The following FHL1 variants were observed in gnomAD, a reference collection of about 807,000 sequenced individuals.
FHL1 encodes the protein four and a half LIM domains protein 1.
FHL1 carries 1 observed loss-of-function variant against 20.3 expected under a neutral mutation model. The ratio of observed to expected loss-of-function variants is 0.05; its 90% CI spans 0.02 to 0.23. The LOEUF (loss-of-function observed/expected upper bound fraction) is 0.23, where lower values mean the gene tolerates loss of function less well. FHL1 is among the 10% of genes least tolerant of loss of function. The pLI is 1.00. For missense variants in FHL1, 177 were observed against 234.0 expected (o/e 0.76, Z 1.59); for synonymous variants, 82 against 88.9 (o/e 0.92, Z 0.44).
chrX:136,186,042 T>C (rs2073278878), intron 2 of FHL1, among the ~76,000 whole-genome samples: 1 of 111,972 alleles, frequency 8.9e-6, no homozygotes, highest in Non-Finnish European at 1.9e-5. Flanking sequence ...AAATACTATA[T>C]GTAGTTTATA....
chrX:136,186,862 A>T (rs2073303693), intron 2 of FHL1, among the ~76,000 whole-genome samples: 1 of 8,895 alleles, frequency 1.1e-4, no homozygotes, highest in African/African-American at 1.5e-4. Flanking sequence ...TCAAAAAAAA[A>T]AAAATATATA....
At chrX:136,196,902 A>G (rs771731515), upstream of FHL1, 11 of 1,126,729 alleles carry the variant, frequency 9.8e-6, no homozygotes, top group East Asian at 3.3e-5. Flanking sequence ...ACTGGGTCCT[A>G]TTCTTCTCCC....
upstream of FHL1, among the ~76,000 whole-genome samples, chrX:136,195,093 C>T (rs1377069013): frequency 8.9e-6 from 1 of 112,222 alleles, no homozygotes; most frequent in Admixed American, 9.4e-5. Flanking sequence ...GTATTTTAGG[C>T]AAAACAGATT....
intron 1 of FHL1, among the ~76,000 whole-genome samples, chrX:136,155,077 C>T (rs1201718621): frequency 8.9e-6 from 1 of 112,283 alleles, no homozygotes; most frequent in East Asian, 2.8e-4. Flanking sequence ...CATTTCATTT[C>T]TTTCTGTAGC....
At chrX:136,207,222 G>A in intron 3 of FHL1, 32 bp downstream of exon 3, 1 of 1,182,255 alleles carries the variant, frequency 8.5e-7, no homozygotes, top group Non-Finnish European at 1.1e-6. Flanking sequence ...GGGTTCCCAG[G>A]GAGGAGGCCC....
chrX:136,207,843 C>T lies in FHL1; in HGVS notation c.431C>T (p.Thr144Ile). The change falls in exon 4 of 6, where the codon ACC (threonine) becomes ATC (isoleucine). Residue 144 changes from threonine to isoleucine, a missense_variant. Physicochemically the swap from Thr to Ile is moderately conservative, Grantham distance 89 (BLOSUM62 -1). Coordinates refer to ENST00000370683, the MANE Select transcript of FHL1 (RefSeq NM_001159699.2). ...KGTVWHKDCFTCSNCKQVIGT... is the reference protein window; with the variant it reads ...KGTVWHKDCFICSNCKQVIGT... Reference sequence around the variant, plus strand: ...ACCGTCTGGCACAAAGACTGCTTCACCTGTAGTAACTGCAAGCAAGTCATC... The same window carrying T: ...ACCGTCTGGCACAAAGACTGCTTCATCTGTAGTAACTGCAAGCAAGTCATC... 1.7e-6 allele frequency: 2 copies of T among 1,211,981 alleles called. No homozygotes were observed. The highest frequency in any genetic ancestry group is 2.2e-6 in the Non-Finnish European group (2 of 895,502).
chrX:136,171,750 C>T (rs2072873356), intron 2 of FHL1, among the ~76,000 whole-genome samples: 1 of 112,379 alleles, frequency 8.9e-6, no homozygotes, highest in African/African-American at 3.2e-5. Flanking sequence ...ACCAAGCACA[C>T]CCCAGTGACA....
At chrX:136,158,739 T>C (rs1251462413) in intron 1 of FHL1, among the ~76,000 whole-genome samples, 1 of 111,672 alleles carries the variant, frequency 9.0e-6, no homozygotes, top group Admixed American at 9.6e-5. Flanking sequence ...ATATACTTGC[T>C]GGGCTGTGTT....
At chrX:136,178,116 G>T (rs1488302321) in intron 2 of FHL1, among the ~76,000 whole-genome samples, 1 of 111,874 alleles carries the variant, frequency 8.9e-6, no homozygotes, top group African/African-American at 3.2e-5. Context: ...CCTTAATAAT[G>T]CTTGAGAAAG....
upstream of FHL1, chrX:136,167,854 A>G (rs1315831689): frequency 8.9e-6 from 1 of 111,855 alleles, no homozygotes; most frequent in African/African-American, 3.2e-5. Context: ...GGAAACATCA[A>G]TTCCAGAAGG....
intron 2 of FHL1, among the ~76,000 whole-genome samples, chrX:136,190,510 C>A (rs964569368): frequency 9.0e-6 from 1 of 111,688 alleles, no homozygotes; most frequent in African/African-American, 3.3e-5. Flanking sequence ...GGCGGCCTCT[C>A]GAACCAGAGT....
chrX:136,162,590 A>G (rs1368999144), intron 1 of FHL1, among the ~76,000 whole-genome samples: 1 of 111,677 alleles, frequency 9.0e-6, no homozygotes, highest in Non-Finnish European at 1.9e-5. Flanking sequence ...GCAGTGAGCT[A>G]TCACCTGGGA....
At position 136,206,107 on chromosome X, in the gene FHL1, G is replaced by A. The variant is rs191081616; in HGVS notation, c.23-300G>A. ...ACACAGGCTCTGATCCACTTGCCCC[G>A]CTCCGCATCTTTTGTGAATCAGCAC... is the stretch of plus-strand genomic sequence containing the variant. On this transcript the variant is annotated intron_variant, in intron 1 of 5. Coordinates refer to ENST00000370683, the MANE Select transcript of FHL1 (RefSeq NM_001159699.2). 6.4e-4 allele frequency: 250 copies of A among 387,805 alleles called. 2 individuals carry two copies. Among genetic ancestry groups the A allele is most frequent in the African/African-American group, 5.3e-3 (209 of 39,692 alleles). The allele number at this position is 387,805 out of a possible 1,213,427, so 32.0% of individuals were successfully genotyped here.
At position 136,182,390 on chromosome X, in the gene FHL1, AATT is replaced by A. The variant is rs201025906; in HGVS notation, c.-27+12423_-27+12425del. On this transcript the variant is annotated intron_variant, in intron 2 of 6. Transcript: ENST00000394153. ...CCCTGGTGTCAAGGTGTTAAGTGCA[AATT>A]ATTATTATTATTTTTTAAAGAAAAC... 5.2e-3 allele frequency among the ~76,000 whole-genome samples: 584 copies of A among 112,150 alleles called. 10 individuals carry two copies. Among genetic ancestry groups the A allele is most frequent in the Admixed American group, 0.049 (522 of 10,564 alleles).
chrX:136,209,167 T>G (rs1357682532), intron 5 of FHL1: 18 of 1,054,760 alleles, frequency 1.7e-5, no homozygotes, highest in Non-Finnish European at 2.2e-5. Flanking sequence ...CCTGGGCCCT[T>G]TCCCTTGCCT....
chrX:136,166,609 C>A (rs1489377968), upstream of FHL1, among the ~76,000 whole-genome samples: 1 of 111,793 alleles, frequency 8.9e-6, no homozygotes, highest in African/African-American at 3.3e-5. Context: ...AAAAAGACAA[C>A]CGGATTCCAT....
At chrX:136,159,466 C>G (rs980839094) in intron 1 of FHL1, among the ~76,000 whole-genome samples, 2 of 111,755 alleles carry the variant, frequency 1.8e-5, no homozygotes, top group Non-Finnish European at 3.8e-5. Flanking sequence ...CACTTAAACG[C>G]GGGAGGCAGA....
intron 1 of FHL1, among the ~76,000 whole-genome samples, chrX:136,157,468 C>T (rs911924437): frequency 9.0e-6 from 1 of 111,697 alleles, no homozygotes; most frequent in Non-Finnish European, 1.9e-5. Flanking sequence ...TCAACTTCAC[C>T]GAGCATGATT....
intron 1 of FHL1, among the ~76,000 whole-genome samples, chrX:136,201,597 T>G (rs984195293): frequency 9.0e-6 from 1 of 111,140 alleles, no homozygotes; most frequent in Non-Finnish European, 1.9e-5. Flanking sequence ...AGGGACCGTG[T>G]TTCCTTGGTG....
Sources: allele counts gnomAD v4.1 joint callset (sites outside exome capture counted in the v4.1 genomes callset), GRCh38; gene constraint gnomAD v4.1.1; transcripts MANE v1.5; gene names NCBI Gene and HGNC (gene_info 2026-07-23, HGNC 2026-07-21).